The following PIK3C2G variants were observed in gnomAD, a reference collection of about 807,000 sequenced individuals.
The protein encoded by PIK3C2G is phosphatidylinositol 3-kinase C2 domain-containing subunit gamma.
A neutral mutation model predicts 181.1 loss-of-function variants in PIK3C2G; 168 were observed. The observed-to-expected ratio is 0.93, with a 90% CI of 0.82 to 1.05. PIK3C2G has a LOEUF of 1.05. PIK3C2G is among the 50% of genes least tolerant of loss of function. The pLI is 0.00. For synonymous variants in PIK3C2G, 573 were observed against 592.2 expected, an observed-to-expected ratio of 0.97 and a Z score of 0.47; for missense variants, 1,869 against 1,732.8, an observed-to-expected ratio of 1.08 and a Z score of -1.40.
Position 18,621,281 on chromosome 12 carries a change from T to C in PIK3C2G, c.4182+11652T>C, listed in dbSNP as rs1395274836. Among the ~76,000 whole-genome samples, 185 of 151,912 alleles carry C rather than the reference T, an allele frequency of 1.2e-3. 1 individual carries two copies. The highest frequency in any genetic ancestry group is 1.0e-4 in the Non-Finnish European group (7 of 67,850). On this transcript the variant is annotated intron_variant, in intron 31 of 32. Coordinates refer to ENST00000538779, the MANE Select transcript of PIK3C2G (RefSeq NM_001288772.2). Reference sequence around the variant, plus strand: ...TCATAAACAACTCATCAGCATTTGGTATTTAGTACATTCTAAAAAATAAGT... The same window carrying C: ...TCATAAACAACTCATCAGCATTTGGCATTTAGTACATTCTAAAAAATAAGT...
intron 22 of PIK3C2G, among the ~76,000 whole-genome samples, chr12:18,500,677 CAA>C (rs1358897684): frequency 6.6e-6 from 1 of 152,164 alleles, no homozygotes; most frequent in Non-Finnish European, 1.5e-5. Flanking sequence ...AGCGCCGTGT[CAA>C]AACAGACCAC....
chr12:18,493,979 TC>T (rs1200327073), intron 20 of PIK3C2G, among the ~76,000 whole-genome samples: 1 of 152,202 alleles, frequency 6.6e-6, no homozygotes, highest in African/African-American at 2.4e-5. Flanking sequence ...ATGCAATTCT[TC>T]CCCACTACTT....
intron 30 of PIK3C2G, among the ~76,000 whole-genome samples, chr12:18,595,913 G>A (rs549424645): frequency 1.1e-4 from 17 of 151,920 alleles, no homozygotes; most frequent in South Asian, 6.2e-4. Context: ...TGCTATACAC[G>A]CCTAGAATGT....
intron 30 of PIK3C2G, among the ~76,000 whole-genome samples, chr12:18,600,781 A>G (rs958853361): frequency 6.6e-6 from 1 of 152,102 alleles, no homozygotes; most frequent in Non-Finnish European, 1.5e-5. Flanking sequence ...AGTTTGATCA[A>G]ATAAATACAA....
At chr12:18,693,919 C>T in the PIK3C2G span, 73 of 1,526,388 alleles carry the variant, frequency 4.8e-5, no homozygotes, top group Non-Finnish European at 5.8e-5. Flanking sequence ...TAACCCTGCA[C>T]GACTTGATCA....
intron 12 of PIK3C2G, 111 bp from the exon 13 acceptor site, chr12:18,371,069 C>A: frequency 1.2e-6 from 1 of 816,616 alleles, no homozygotes; most frequent in Non-Finnish European, 1.7e-6. Flanking sequence ...GAGGCAGCCT[C>A]AATTCAAATA....
chr12:18,692,389 A>T, the PIK3C2G span, among the ~76,000 whole-genome samples: 1 of 152,206 alleles, frequency 6.6e-6, no homozygotes, highest in African/African-American at 2.4e-5. Context: ...TTTTCAAAAG[A>T]TTTAATGACA....
At chr12:18,688,059 G>C in the PIK3C2G span, 4 of 1,606,498 alleles carry the variant, frequency 2.5e-6, no homozygotes, top group Non-Finnish European at 3.4e-6. Context: ...AAGTCTAATG[G>C]AAATTCAATA....
intron 18 of PIK3C2G, among the ~76,000 whole-genome samples, chr12:18,469,368 C>T (rs540458599): frequency 4.3e-4 from 65 of 152,172 alleles, no homozygotes; most frequent in African/African-American, 1.5e-3. Flanking sequence ...AGGAAAGAAA[C>T]GAGTGAACCC....
intron 9 of PIK3C2G, among the ~76,000 whole-genome samples, chr12:18,341,317 T>C (rs1389815941): frequency 1.3e-5 from 2 of 152,146 alleles, no homozygotes; most frequent in African/African-American, 4.8e-5. Flanking sequence ...TAAACAATTA[T>C]AATACTCAAG....
chr12:18,626,777 C>T (rs1255721879), intron 31 of PIK3C2G, among the ~76,000 whole-genome samples: 1 of 151,884 alleles, frequency 6.6e-6, no homozygotes, highest in East Asian at 1.9e-4. Context: ...AAGAAGTTTG[C>T]TGGTAGTTGT....
intron 16 of PIK3C2G, among the ~76,000 whole-genome samples, chr12:18,407,748 G>C (rs1279808358): frequency 6.6e-6 from 1 of 152,086 alleles, no homozygotes; most frequent in Non-Finnish European, 1.5e-5. Context: ...AAATCTAAAG[G>C]ATAAGTGGGA....
intron 30 of PIK3C2G, among the ~76,000 whole-genome samples, chr12:18,598,816 C>A (rs928076349): frequency 6.6e-6 from 1 of 151,512 alleles, no homozygotes; most frequent in Non-Finnish European, 1.5e-5. Flanking sequence ...AAACAAACAA[C>A]CCCATCAAAA....
chr12:18,387,602 T>A (rs1385617943), intron 14 of PIK3C2G, among the ~76,000 whole-genome samples: 1 of 152,040 alleles, frequency 6.6e-6, no homozygotes, highest in Non-Finnish European at 1.5e-5. Context: ...CCACGGACCC[T>A]CTAGAAATCT....
At chr12:18,280,389 C>A (rs776265081) in intron 1 of PIK3C2G, among the ~76,000 whole-genome samples, 4 of 151,968 alleles carry the variant, frequency 2.6e-5, no homozygotes, top group Non-Finnish European at 5.9e-5. Flanking sequence ...CTTTCCCGGG[C>A]ATTCAGAAGG....
At chr12:18,683,258 TAAAC>T in the PIK3C2G span, 62 of 1,612,386 alleles carry the variant, frequency 3.8e-5, 2 homozygotes, top group Non-Finnish European at 4.9e-5. Flanking sequence ...GTACCAAACA[TAAAC>T]AAACAGTGAA....
At chr12:18,560,329 A>T (rs1227144498) in intron 26 of PIK3C2G, among the ~76,000 whole-genome samples, 1 of 152,138 alleles carries the variant, frequency 6.6e-6, no homozygotes, top group East Asian at 1.9e-4. Context: ...ATCCTTAAAA[A>T]AAGTGGGCCA....
chr12:18,675,380 C>T, the PIK3C2G span, among the ~76,000 whole-genome samples: 2 of 152,130 alleles, frequency 1.3e-5, no homozygotes, highest in African/African-American at 2.4e-5. Flanking sequence ...CAGATCTTCA[C>T]ATGGATGCAG....
At chr12:18,262,609 G>A (rs181834384) in intron 1 of PIK3C2G, among the ~76,000 whole-genome samples, 23 of 142,562 alleles carry the variant, frequency 1.6e-4, no homozygotes, top group Middle Eastern at 3.7e-3. Context: ...CCATGAGTGA[G>A]CTGACAAAAA....
Sources: gnomAD v4.1 joint callset for allele counts (sites outside exome capture counted in the v4.1 genomes callset) on GRCh38, gnomAD v4.1.1 for gene constraint, MANE v1.5 for transcripts, NCBI Gene and HGNC (gene_info 2026-07-23, HGNC 2026-07-21) for gene names.